COL23A1: variants seen among roughly 807,000 people sequenced by gnomAD.
COL23A1 encodes the protein collagen type XXIII alpha 1 chain, also known as collagen alpha-1(XXIII) chain.
COL23A1 carries 97 observed loss-of-function variants against 99.3 expected under a neutral mutation model. The observed-to-expected ratio is 0.98, with a 90% confidence interval of 0.83 to 1.16. The LOEUF (loss-of-function observed/expected upper bound fraction) is 1.16, where lower values mean the gene tolerates loss of function less well. Ranked by LOEUF, COL23A1 falls within the 50% of genes most tolerant of loss-of-function variation. COL23A1 has a pLI of 0.00. For missense variants in COL23A1, 762 were observed against 757.4 expected (o/e 1.01, Z -0.07); for synonymous variants, 320 against 308.2 (o/e 1.04, Z -0.40).
chr5:178,302,141 C>A (rs1198377628), intron 3 of COL23A1, among the ~76,000 whole-genome samples: 1 of 114,926 alleles, frequency 8.7e-6, no homozygotes, highest in Non-Finnish European at 1.7e-5. Flanking sequence ...CGGCTTCAAT[C>A]CACCTGTGTG....
At position 178,237,713 on chromosome 5, in the gene COL23A1, C is replaced by G. The variant is rs1764191046; in HGVS notation, c.*985G>C. The G allele has an allele frequency of 6.5e-6, 1 of 152,690 alleles. No homozygotes were observed. Among genetic ancestry groups the G allele is most frequent in the African/African-American group, 2.4e-5 (1 of 41,474 alleles). The allele number at this position is 152,690 out of a possible 1,614,324, so 9.5% of individuals were successfully genotyped here. A position where few individuals can be genotyped will look rare whatever the true frequency, so the allele number is the denominator to read the frequency against. On this transcript the variant is annotated 3_prime_UTR_variant, in exon 29 of 29. Coordinates refer to ENST00000390654, the MANE Select transcript of COL23A1 (RefSeq NM_173465.4). ...TGGAGCTGGTTGCTGGGAACACTTG[C>G]TGGAGGTGGAAAAGCCTCTCGTCAG...
rs1764687059 is a variant in COL23A1, at chr5:178,246,243, G to A, written c.1413+11C>T. 1.3e-6 allele frequency: 2 copies of A among 1,553,280 alleles called. No individual in the cohort carries two copies. The highest frequency in any genetic ancestry group is 1.4e-5 in the African/African-American group (1 of 73,372). ...CACGGTTGGAGAGGGAGTTCCGAAT[G>A]AGGCGGTTACCTTCTCTCCTTTGGT... On this transcript the variant is annotated intron_variant, in intron 24 of 28. Transcript: ENST00000390654.
chr5:178,426,366 C>T (rs1765935289), intron 2 of COL23A1, among the ~76,000 whole-genome samples: 2 of 152,172 alleles, frequency 1.3e-5, no homozygotes, highest in Non-Finnish European at 2.9e-5. Flanking sequence ...TTAGATGACC[C>T]ACGTTTTTCT....
intron 2 of COL23A1, among the ~76,000 whole-genome samples, chr5:178,398,856 T>C (rs1181070662): frequency 6.6e-6 from 1 of 152,226 alleles, no homozygotes; most frequent in Non-Finnish European, 1.5e-5. Flanking sequence ...AGGCTGTGAG[T>C]GCTCAGGGCA....
At chr5:178,445,613 G>C (rs937064991) in intron 2 of COL23A1, among the ~76,000 whole-genome samples, 1 of 152,052 alleles carries the variant, frequency 6.6e-6, no homozygotes, top group Non-Finnish European at 1.5e-5. Context: ...CACTTTGAAC[G>C]ACTTGCTACC....
intron 2 of COL23A1, among the ~76,000 whole-genome samples, chr5:178,352,921 T>A (rs1165879982): frequency 3.3e-5 from 5 of 152,190 alleles, no homozygotes; most frequent in African/African-American, 1.2e-4. Flanking sequence ...AAAAGAAGAG[T>A]TGGCAAGCTG....
intron 2 of COL23A1, among the ~76,000 whole-genome samples, chr5:178,374,474 C>T (rs1017967376): frequency 6.6e-6 from 1 of 152,200 alleles, no homozygotes; most frequent in African/African-American, 2.4e-5. Context: ...TTTTTGAGTG[C>T]GGTTAAAATC....
chr5:178,553,169 T>TA (rs55857926), intron 2 of COL23A1, among the ~76,000 whole-genome samples: 57,730 of 134,642 alleles, frequency 0.43, 14,357 homozygotes, highest in Non-Finnish European at 0.57. Flanking sequence ...GATCCTATCT[T>TA]AAAAAAAAAA....
chr5:178,345,030 C>G, intron 2 of COL23A1: 1 of 580,930 alleles, frequency 1.7e-6, no homozygotes, highest in Non-Finnish European at 3.3e-6. Flanking sequence ...TACTCACCAC[C>G]TGGAGATCTC....
intron 2 of COL23A1, among the ~76,000 whole-genome samples, chr5:178,459,946 T>C (rs2647692): frequency 0.9 from 136,329 of 152,228 alleles, 61,320 homozygotes; most frequent in East Asian, 1. Context: ...GAAAATTCAA[T>C]ACGATGTTAA....
chr5:178,533,491 G>C (rs1760764054), intron 2 of COL23A1, among the ~76,000 whole-genome samples: 1 of 152,124 alleles, frequency 6.6e-6, no homozygotes, highest in African/African-American at 2.4e-5. Context: ...CCATGTTGTA[G>C]CATGTGTCGG....
intron 1 of COL23A1, among the ~76,000 whole-genome samples, chr5:178,584,020 G>A (rs921712101): frequency 2.6e-5 from 4 of 152,004 alleles, no homozygotes; most frequent in Admixed American, 6.6e-5. Context: ...GCGCCACCAT[G>A]CCCAGCTGAT....
intron 2 of COL23A1, among the ~76,000 whole-genome samples, chr5:178,490,013 C>G (rs549147948): frequency 6.6e-6 from 1 of 151,930 alleles, no homozygotes; most frequent in African/African-American, 2.4e-5. Flanking sequence ...GCGGGCGGAT[C>G]ACCTGAGGTC....
intron 17 of COL23A1, among the ~76,000 whole-genome samples, chr5:178,251,865 GTTTTC>G (rs369934685): frequency 2.0e-5 from 3 of 149,040 alleles, no homozygotes; most frequent in African/African-American, 7.4e-5. Context: ...GCAGTATGTG[GTTTTC>G]TTTTCTTTTC....
At chr5:178,499,906 T>C (rs888361961) in intron 2 of COL23A1, among the ~76,000 whole-genome samples, 1 of 152,224 alleles carries the variant, frequency 6.6e-6, no homozygotes, top group Non-Finnish European at 1.5e-5. Context: ...TGCTACACCA[T>C]GGGTGAATCT....
At chr5:178,583,375 C>T (rs141541525) in intron 1 of COL23A1, among the ~76,000 whole-genome samples, 7 of 152,302 alleles carry the variant, frequency 4.6e-5, no homozygotes, top group East Asian at 3.9e-4. Flanking sequence ...CTGGTTTTGC[C>T]GGCCTCATGT....
Position 178,384,502 on chromosome 5 carries a change from C to CT in COL23A1, c.362-77584dup, listed in dbSNP as rs1442680348. 1.0e-3 allele frequency among the ~76,000 whole-genome samples: 152 copies of CT among 152,274 alleles called. 1 individual carries two copies. The highest frequency in any genetic ancestry group is 4.0e-4 in the Non-Finnish European group (27 of 68,022). ...CTTTTTGGAGGCCACGTGGACGGCG[C>CT]TGAGTGCATCCCTCTCCAGCGGCCC... is the stretch of plus-strand genomic sequence containing the variant. On this transcript the variant is annotated intron_variant, in intron 2 of 28. Transcript: ENST00000390654. The surrounding 1 kb of genome is among the most constrained non-coding windows in gnomAD (Gnocchi z 5.5).
chr5:178,403,051 G>C (rs1764537089), intron 2 of COL23A1, among the ~76,000 whole-genome samples: 1 of 143,896 alleles, frequency 6.9e-6, no homozygotes, highest in African/African-American at 2.6e-5. Flanking sequence ...GGAGGTTGAA[G>C]TGAGCTGAGG....
rs1758521587 is a variant in COL23A1, at chr5:178,309,035, G to A, written c.362-2116C>T. Among the ~76,000 whole-genome samples the A allele has an allele frequency of 6.6e-6, 1 of 152,224 alleles. No individual in the cohort carries two copies. The highest frequency in any genetic ancestry group is 6.5e-5 in the Admixed American group (1 of 15,284). ...GGCCCCGGGCCCCAGGCAGAGTGAGGGGGCATGGCAGGAAAGGGGCCAGGA... is the reference window on the plus strand; with the variant it reads ...GGCCCCGGGCCCCAGGCAGAGTGAGAGGGCATGGCAGGAAAGGGGCCAGGA... On this transcript the variant is annotated intron_variant, in intron 2 of 28. Coordinates refer to ENST00000390654, the MANE Select transcript of COL23A1 (RefSeq NM_173465.4). The surrounding 1 kb of genome is among the most constrained non-coding windows in gnomAD (Gnocchi z 4.7).
Sources: gnomAD v4.1 joint callset for allele counts (sites outside exome capture counted in the v4.1 genomes callset) on GRCh38, gnomAD v4.1.1 for gene constraint, Gnocchi (gnomAD v3.1) non-coding constraint, MANE v1.5 for transcripts, NCBI Gene and HGNC (gene_info 2026-07-23, HGNC 2026-07-21) for gene names.